Variants in ALG8 observed in about 807,000 individuals in gnomAD.
ALG8 encodes dolichyl pyrophosphate Glc1Man9GlcNAc2 alpha-1,3-glucosyltransferase.
ALG8 carries 48 observed loss-of-function variants against 70.2 expected under a neutral mutation model. The ratio of observed to expected loss-of-function variants is 0.68; its 90% CI spans 0.54 to 0.87. The LOEUF is 0.87. Among genes scored for constraint, ALG8 ranks in the 40% least tolerant of loss-of-function variants. The pLI is 0.00. For missense variants in ALG8, 572 were observed against 608.7 expected, an observed-to-expected ratio of 0.94 and a Z score of 0.64; for synonymous variants, 234 against 229.0, an observed-to-expected ratio of 1.02 and a Z score of -0.20.
At chr11:78,124,347 A>G (rs1860969319) in intron 2 of ALG8, 133 bp from the exon 3 acceptor site, 1 of 864,646 alleles carries the variant, frequency 1.2e-6, no homozygotes, top group African/African-American at 1.7e-5. Context: ...TCACACCTGT[A>G]ACCCCAGCAC....
Position 78,101,277 on chromosome 11 carries a change from T to A in ALG8, c.1350-82A>T, listed in dbSNP as rs113781975. The A allele has an allele frequency of 4.4e-3, 4,906 of 1,112,954 alleles. 163 individuals are homozygous for A. The African/African-American group carries it at 0.068, about 15-fold the overall frequency. The allele number at this position is 1,112,954 out of a possible 1,614,324, so 68.9% of individuals were successfully genotyped here. ...ACATTTCCTAGCTAAAGCTTCCCCA[T>A]CTGCACTGTCTTGCTGTCAATTATT... is the stretch of plus-strand genomic sequence containing the variant. On this transcript the variant is annotated intron_variant, in intron 12 of 12. Transcript: ENST00000299626.
chr11:78,128,924 T>C (rs1861192024), intron 1 of ALG8, among the ~76,000 whole-genome samples: 1 of 151,678 alleles, frequency 6.6e-6, no homozygotes, highest in Non-Finnish European at 1.5e-5. Context: ...TACTCCCAAA[T>C]TTCAATATGC....
chr11:78,120,775 AATAT>A (rs1023445923), intron 4 of ALG8, among the ~76,000 whole-genome samples: 2 of 152,238 alleles, frequency 1.3e-5, no homozygotes. Flanking sequence ...AAAACTATTT[AATAT>A]ATATGTATCA....
At chr11:78,131,281 G>GT (rs1861298984) in intron 1 of ALG8, among the ~76,000 whole-genome samples, 1 of 135,670 alleles carries the variant, frequency 7.4e-6, no homozygotes, top group Non-Finnish European at 1.6e-5. Flanking sequence ...ATGATAAATA[G>GT]TAACTACTTT....
chr11:78,107,366 G>GAA (rs1860089232), intron 9 of ALG8, among the ~76,000 whole-genome samples: 1 of 148,498 alleles, frequency 6.7e-6, no homozygotes, highest in East Asian at 2.0e-4. Flanking sequence ...GATTACAGGT[G>GAA]CCTGCCACCA....
intron 5 of ALG8, among the ~76,000 whole-genome samples, chr11:78,115,697 A>T (rs1221590252): frequency 1.3e-5 from 2 of 152,168 alleles, no homozygotes; most frequent in Non-Finnish European, 2.9e-5. Flanking sequence ...GCTAGCTTTT[A>T]TACTGAGTCT....
chr11:78,125,914 C>T (rs1051109764), intron 2 of ALG8, among the ~76,000 whole-genome samples: 3 of 151,428 alleles, frequency 2.0e-5, no homozygotes, highest in Admixed American at 2.0e-4. Context: ...AATCCCAGCA[C>T]TTTGGGAGGC....
chr11:78,115,559 AT>A (rs1458494958), intron 5 of ALG8, among the ~76,000 whole-genome samples: 1 of 140,008 alleles, frequency 7.1e-6, no homozygotes, highest in East Asian at 2.2e-4. Flanking sequence ...ATTTTTTTGT[AT>A]TTTTAGTAGA....
At chr11:78,116,159 A>G (rs1860555039) in intron 5 of ALG8, among the ~76,000 whole-genome samples, 1 of 152,094 alleles carries the variant, frequency 6.6e-6, no homozygotes, top group Non-Finnish European at 1.5e-5. Flanking sequence ...CAGGAGTTTG[A>G]GACCAGCCTG....
chr11:78,106,476 C>G (rs559902530), intron 10 of ALG8, among the ~76,000 whole-genome samples: 10 of 152,194 alleles, frequency 6.6e-5, no homozygotes, highest in Admixed American at 2.0e-4. Context: ...GGATTACAGG[C>G]GTGAGCTACC....
chr11:78,119,859 T>TG (rs1235956683), intron 4 of ALG8, among the ~76,000 whole-genome samples: 4 of 152,176 alleles, frequency 2.6e-5, no homozygotes, highest in African/African-American at 9.7e-5. Flanking sequence ...CCCAGCATTT[T>TG]GGGAGGCTGA....
chr11:78,124,873 T>C (rs1374189682), intron 2 of ALG8, among the ~76,000 whole-genome samples: 1 of 152,220 alleles, frequency 6.6e-6, no homozygotes, highest in African/African-American at 2.4e-5. Context: ...TCCTTTATCA[T>C]TTTGTATCCT....
intron 4 of ALG8, among the ~76,000 whole-genome samples, chr11:78,119,480 G>A (rs1168688305): frequency 6.8e-6 from 1 of 146,162 alleles, no homozygotes; most frequent in Non-Finnish European, 1.5e-5. Context: ...CCAGGCTGGA[G>A]TGCAATGGCA....
intron 1 of ALG8, among the ~76,000 whole-genome samples, chr11:78,138,073 C>T (rs185769568): frequency 1.6e-3 from 245 of 152,254 alleles, no homozygotes; most frequent in African/African-American, 5.5e-3. Context: ...TGGCCAGGCA[C>T]GGTGGCTCAT....
chr11:78,109,889 G>C (rs1327674020), intron 8 of ALG8, among the ~76,000 whole-genome samples: 1 of 152,222 alleles, frequency 6.6e-6, no homozygotes, highest in Non-Finnish European at 1.5e-5. Flanking sequence ...AACAGTCTGA[G>C]CATGTCATGA....
chr11:78,131,683 C>T lies in ALG8; in HGVS notation c.96-4247G>A, dbSNP rs545551158. ...GTTTCATTATGTTGCCCAGGCTGGT[C>T]CCAAACTCCCAAGCTCAAGCAATCT... On this transcript the variant is annotated intron_variant, in intron 1 of 12. Coordinates refer to ENST00000299626, the MANE Select transcript of ALG8 (RefSeq NM_024079.5). Among the ~76,000 whole-genome samples, 10 of 152,112 alleles carry T rather than the reference C, an allele frequency of 6.6e-5. No homozygotes were observed. In the East Asian group the frequency reaches 1.2e-3, roughly 18 times the overall value.
rs1346507354 is a variant in ALG8 at position 78,113,881 on chromosome 11, C to T, written c.777+5G>A. 2.3e-6 allele frequency: 3 copies of T among 1,309,876 alleles called. No homozygotes were observed. The highest frequency in any genetic ancestry group is 2.9e-5 in the East Asian group (1 of 34,880). The allele number at this position is 1,309,876 out of a possible 1,614,324, so 81.1% of individuals were successfully genotyped here. A position where few individuals can be genotyped will look rare whatever the true frequency, so the allele number is the denominator to read the frequency against. On this transcript the variant is annotated splice_donor_5th_base_variant and intron_variant, in intron 7 of 12. Coordinates refer to ENST00000299626, the MANE Select transcript of ALG8 (RefSeq NM_024079.5). ...TAATTGAAAAAAAAAAAAAAAAAGG[C>T]TTACCAAGGCCAGGAAAGGACCCAA... is the stretch of plus-strand genomic sequence containing the variant.
At chr11:78,134,921 T>TA (rs1230855043) in intron 1 of ALG8, among the ~76,000 whole-genome samples, 1 of 152,252 alleles carries the variant, frequency 6.6e-6, no homozygotes, top group East Asian at 1.9e-4. Context: ...GTTGATATCT[T>TA]GACCTCCTCC....
At chr11:78,107,090 T>G (rs1346297865) in intron 9 of ALG8, 144 bp from the exon 10 acceptor site, 3 of 1,071,154 alleles carry the variant, frequency 2.8e-6, no homozygotes, top group Non-Finnish European at 4.0e-6. Context: ...ATTCATCACT[T>G]TGTGCACAGT....
Sources: gnomAD v4.1 joint callset for allele counts (sites outside exome capture counted in the v4.1 genomes callset) on GRCh38, gnomAD v4.1.1 for gene constraint, MANE v1.5 for transcripts, NCBI Gene and HGNC (gene_info 2026-07-23, HGNC 2026-07-21) for gene names.